Variants in MTOR observed in about 807,000 individuals in gnomAD.
MTOR encodes the protein mechanistic target of rapamycin kinase.
MTOR carries 70 observed loss-of-function variants against 319.8 expected under a neutral mutation model. The ratio of observed to expected loss-of-function variants is 0.22; its 90% CI spans 0.18 to 0.27. The LOEUF (loss-of-function observed/expected upper bound fraction) is 0.27, where lower values mean the gene tolerates loss of function less well. Among genes scored for constraint, MTOR ranks in the 10% least tolerant of loss-of-function variants. MTOR has a pLI of 1.00. For missense variants in MTOR, 1,890 were observed against 3,274.4 expected (o/e 0.58, Z 10.32); for synonymous variants, 1,183 against 1,211.4 (o/e 0.98, Z 0.49).
chr1:11,162,169 G>A lies in MTOR; in HGVS notation c.4330-4878C>T, dbSNP rs538790635. Among the ~76,000 whole-genome samples, 3 of 152,330 alleles carry A rather than the reference G, an allele frequency of 2.0e-5. No individual in the cohort carries two copies. In the South Asian group the frequency reaches 6.2e-4, roughly 32 times the overall value. ...CTTCAGTAGCCGATTTGATCAACTG[G>A]AAGAAAGGGTATCAGTGACTGAAGA... On this transcript the variant is annotated intron_variant, in intron 29 of 57. Transcript: ENST00000361445.
intron 28 of MTOR, among the ~76,000 whole-genome samples, chr1:11,181,663 T>C (rs1373331509): frequency 2.0e-5 from 3 of 152,218 alleles, no homozygotes; most frequent in Non-Finnish European, 2.9e-5. Flanking sequence ...CAGAATGTGA[T>C]GCCCTACAGC....
In MTOR at chr1:11,232,658, T is replaced by C. The variant is rs1647059757; in HGVS notation, c.2422-130A>G. On this transcript the variant is annotated intron_variant, in intron 15 of 57. Coordinates refer to ENST00000361445, the MANE Select transcript of MTOR (RefSeq NM_004958.4). Reference sequence around the variant, plus strand: ...GGGAGGCTGAGGAGGGCAGATCACCTGGCATCAGGAGCTCCAGACCAGCCT... The same window carrying C: ...GGGAGGCTGAGGAGGGCAGATCACCCGGCATCAGGAGCTCCAGACCAGCCT... 7.6e-6 allele frequency: 5 copies of C among 654,080 alleles called. No homozygotes were observed. The East Asian group carries it at 1.1e-4, about 15-fold the overall frequency. 40.5% of individuals were successfully genotyped at this position (654,080 alleles called of 1,614,324 possible).
intron 46 of MTOR, among the ~76,000 whole-genome samples, chr1:11,126,041 CA>C (rs757246303): frequency 0.043 from 1,224 of 28,362 alleles, 8 homozygotes; most frequent in African/African-American, 0.1. Context: ...AACTCTGGCT[CA>C]AAAAAAAAAA....
intron 39 of MTOR, among the ~76,000 whole-genome samples, chr1:11,130,150 C>T (rs892650469): frequency 6.6e-6 from 1 of 152,152 alleles, no homozygotes; most frequent in African/African-American, 2.4e-5. Flanking sequence ...GAACTGACAG[C>T]CCAAGGGGAA....
Position 11,124,588 on chromosome 1 carries a change from T to A in MTOR, c.6572A>T (p.Asp2191Val), listed in dbSNP as rs2100382387. ...CATCACACGCTCATCCTGGCGCAGATCTTCATGGCCTTTTAGAAGGAAAAC... is the reference window on the plus strand; with the variant it reads ...CATCACACGCTCATCCTGGCGCAGAACTTCATGGCCTTTTAGAAGGAAAAC... ...EFVFLLKGHE[D>V]LRQDERVMQL... Residue 2191 changes from aspartate (D) to valine (V), a missense_variant, in exon 47 of 58, where the codon GAT (aspartate) becomes GTT (valine). Coordinates refer to ENST00000361445, the MANE Select transcript of MTOR (RefSeq NM_004958.4). 6.2e-7 allele frequency: 1 copy of A among 1,612,222 alleles called. No individual in the cohort carries two copies. The highest frequency in any genetic ancestry group is 8.5e-7 in the Non-Finnish European group (1 of 1,178,374).
Position 11,247,828 on chromosome 1 carries a change from T to C in MTOR, c.1107A>G (p.Lys369=), listed in dbSNP as rs1649050145. ...SRCCRDLMEE[K]FDQVCQWVLK... is the part of the protein sequence containing the mutation. ...GCCTCTCACCACTTACCTGATCAAA[T>C]TTCTCCTCCATCAAGTCTCTGCAAC... The change falls in exon 7 of 58, where the codon AAA becomes AAG. Residue 369 remains lysine (K), a synonymous_variant. Coordinates refer to ENST00000361445, the MANE Select transcript of MTOR (RefSeq NM_004958.4). The C allele has an allele frequency of 2.5e-6, 4 of 1,612,898 alleles. No individual in the cohort carries two copies. The highest frequency in any genetic ancestry group is 3.4e-6 in the Non-Finnish European group (4 of 1,179,044).
In MTOR at chr1:11,249,873, C is replaced by A. The variant is rs915339296; in HGVS notation, c.841-1779G>T. On this transcript the variant is annotated intron_variant, in intron 6 of 57. Transcript: ENST00000361445. ...TTCTCAATCTTTTCCCCACCTTTGC[C>A]CCCTTTCTATTCCACAAAACCGCCA... is the stretch of plus-strand genomic sequence containing the variant. Among the ~76,000 whole-genome samples, 81 of 151,514 alleles carry A rather than the reference C, an allele frequency of 5.3e-4. 1 individual carries two copies. The highest frequency in any genetic ancestry group is 1.9e-3 in the African/African-American group (78 of 41,430).
At chr1:11,132,077 G>T (rs754439802) in intron 38 of MTOR, 21 of 152,218 alleles carry the variant, frequency 1.4e-4, no homozygotes, top group Non-Finnish European at 2.9e-4. Context: ...TGACGTTGAT[G>T]GTAGAATACA....
intron 28 of MTOR, chr1:11,194,469 G>A (rs1645696147): frequency 6.2e-7 from 1 of 1,613,802 alleles, no homozygotes. Flanking sequence ...AGGACTGGGA[G>A]GGCAACCTGC....
intron 57 of MTOR, among the ~76,000 whole-genome samples, 177 bp from the exon 58 acceptor site, chr1:11,107,677 G>T (rs1031043285): frequency 1.3e-5 from 2 of 152,006 alleles, no homozygotes; most frequent in African/African-American, 4.8e-5. Flanking sequence ...AATGCCCACC[G>T]AGGTCCCGCA....
chr1:11,139,207 A>G, intron 36 of MTOR, 97 bp downstream of exon 36: 1 of 1,485,088 alleles, frequency 6.7e-7, no homozygotes, highest in South Asian at 1.4e-5. Context: ...GGTGGTTTAA[A>G]CACTGTTTCT....
intron 9 of MTOR, 146 bp from the exon 10 acceptor site, chr1:11,241,827 G>A: frequency 3.8e-6 from 3 of 796,906 alleles, no homozygotes; most frequent in Non-Finnish European, 5.9e-6. Flanking sequence ...ACAGTTCAAA[G>A]GGACCCATCA....
intron 47 of MTOR, among the ~76,000 whole-genome samples, chr1:11,123,451 G>A (rs1421339672): frequency 1.4e-5 from 2 of 145,504 alleles, no homozygotes; most frequent in Admixed American, 7.0e-5. Flanking sequence ...GATTACAGGC[G>A]TGAGTCACTG....
intron 29 of MTOR, among the ~76,000 whole-genome samples, chr1:11,161,893 G>C (rs1213016702): frequency 1.3e-5 from 2 of 152,172 alleles, no homozygotes; most frequent in Non-Finnish European, 2.9e-5. Flanking sequence ...CCCTCCAAAG[G>C]AACGCAGCTC....
At chr1:11,138,642 T>G (rs1643545518) in intron 36 of MTOR, among the ~76,000 whole-genome samples, 1 of 152,094 alleles carries the variant, frequency 6.6e-6, no homozygotes. Flanking sequence ...AGAAGGCTAG[T>G]GAGACTCCCT....
intron 36 of MTOR, among the ~76,000 whole-genome samples, chr1:11,136,596 C>T (rs896314226): frequency 7.2e-5 from 11 of 152,048 alleles, no homozygotes; most frequent in East Asian, 3.9e-4. Context: ...AACACTTTTG[C>T]TCAAGTGATC....
intron 28 of MTOR, among the ~76,000 whole-genome samples, chr1:11,174,659 T>C (rs1644926922): frequency 1.3e-5 from 2 of 152,190 alleles, no homozygotes; most frequent in Admixed American, 6.5e-5. Flanking sequence ...ATGTGGTTTT[T>C]ATGAGACTGA....
chr1:11,218,087 C>G (rs1646533151), intron 19 of MTOR, among the ~76,000 whole-genome samples: 1 of 152,112 alleles, frequency 6.6e-6, no homozygotes. Context: ...TGAATCACTA[C>G]AGTTTTGTAG....
At chr1:11,208,402 A>G (rs1285605640) in intron 25 of MTOR, among the ~76,000 whole-genome samples, 1 of 152,288 alleles carries the variant, frequency 6.6e-6, no homozygotes, top group African/African-American at 2.4e-5. Flanking sequence ...GTGAGCCCGT[A>G]CACATGCACA....
Sources: allele counts gnomAD v4.1 joint callset (sites outside exome capture counted in the v4.1 genomes callset), GRCh38; gene constraint gnomAD v4.1.1; transcripts MANE v1.5; gene names NCBI Gene and HGNC (gene_info 2026-07-23, HGNC 2026-07-21).